The following PTPRD variants were observed in gnomAD, a reference collection of about 807,000 sequenced individuals.
The protein encoded by PTPRD is receptor-type tyrosine-protein phosphatase delta.
PTPRD carries 34 observed loss-of-function variants against 214.5 expected under a neutral mutation model. The observed-to-expected ratio is 0.16, with a 90% confidence interval of 0.12 to 0.21. The LOEUF is 0.21. PTPRD is among the 10% of genes least tolerant of loss of function. The probability of loss-of-function intolerance (pLI) is 1.00; values close to 1 mark genes in which losing one functional copy is unlikely to be tolerated. For synonymous variants in PTPRD, 1,128 were observed against 845.7 expected (o/e 1.33, Z -5.79); for missense variants, 2,545 against 2,398.7 (o/e 1.06, Z -1.27).
At chr9:9,394,029 T>G (rs1233606246) in intron 9 of PTPRD, among the ~76,000 whole-genome samples, 1 of 152,166 alleles carries the variant, frequency 6.6e-6, no homozygotes, top group Non-Finnish European at 1.5e-5. Context: ...CATTAAGACA[T>G]TTTTAAACCA....
intron 11 of PTPRD, among the ~76,000 whole-genome samples, chr9:8,843,502 C>A (rs774126538): frequency 6.6e-6 from 1 of 152,114 alleles, no homozygotes; most frequent in African/African-American, 2.4e-5. Flanking sequence ...ACACGGGAAA[C>A]GTTCTATGTC....
chr9:9,983,100 G>A (rs1378683461), intron 4 of PTPRD, among the ~76,000 whole-genome samples: 2 of 151,460 alleles, frequency 1.3e-5, no homozygotes, highest in African/African-American at 4.9e-5. Flanking sequence ...CTCATTTGTC[G>A]CTAGGGTACA....
At chr9:10,267,680 T>C (rs1302686250) in intron 3 of PTPRD, among the ~76,000 whole-genome samples, 2 of 152,206 alleles carry the variant, frequency 1.3e-5, no homozygotes, top group Non-Finnish European at 2.9e-5. Context: ...TAAATGCTTA[T>C]GCATTTGATC....
intron 8 of PTPRD, among the ~76,000 whole-genome samples, chr9:9,488,900 C>A (rs1256507819): frequency 6.6e-6 from 1 of 152,076 alleles, no homozygotes; most frequent in African/African-American, 2.4e-5. Flanking sequence ...AAAAAGAACC[C>A]CATTCTCCAA....
At position 8,316,838 on chromosome 9, in the gene PTPRD, A is replaced by G. The variant is rs10976945; in HGVS notation, c.*1036T>C. The G allele has an allele frequency of 4.3e-6, 1 of 231,012 alleles. No individual in the cohort carries two copies. Among genetic ancestry groups the G allele is most frequent in the African/African-American group, 2.2e-5 (1 of 44,978 alleles). 14.3% of individuals were successfully genotyped at this position (231,012 alleles called of 1,614,324 possible). A position where few individuals can be genotyped will look rare whatever the true frequency, so the allele number is the denominator to read the frequency against. On this transcript the variant is annotated 3_prime_UTR_variant, in exon 46 of 46. Coordinates refer to ENST00000381196, the MANE Select transcript of PTPRD (RefSeq NM_002839.4). ...ATGTCAAAAAATTAAGAATAAATGG[A>G]AAGAGATGTTTACAATAGCTTTTCT...
At chr9:10,556,847 G>T (rs112080913) in intron 2 of PTPRD, among the ~76,000 whole-genome samples, 2 of 152,060 alleles carry the variant, frequency 1.3e-5, no homozygotes, top group Admixed American at 1.3e-4. Flanking sequence ...TTAAGCAACA[G>T]ATAGTGATTT....
At chr9:8,393,352 G>A (rs1344948327) in intron 36 of PTPRD, among the ~76,000 whole-genome samples, 2 of 152,088 alleles carry the variant, frequency 1.3e-5, no homozygotes, top group African/African-American at 4.8e-5. Flanking sequence ...TATAAATTAG[G>A]TGATTGCTTT....
chr9:9,038,302 T>C (rs1179988026), intron 10 of PTPRD, among the ~76,000 whole-genome samples: 1 of 152,072 alleles, frequency 6.6e-6, no homozygotes, highest in East Asian at 1.9e-4. Flanking sequence ...CACAGGACAG[T>C]TTGGTCTAGG....
rs757479662 is a variant in PTPRD at position 8,471,014 on chromosome 9, T to C, written c.3485A>G (p.Asp1162Gly). 1 of 1,613,206 alleles carries C rather than the reference T, an allele frequency of 6.2e-7. No individual in the cohort carries two copies. The highest frequency in any genetic ancestry group is 1.7e-5 in the Admixed American group (1 of 59,980). The change falls in exon 31 of 46, where the codon GAT becomes GGT. Residue 1162 changes from aspartate to glycine, a missense_variant. Physicochemically the swap from Asp to Gly is moderately conservative, Grantham distance 94. Transcript: ENST00000381196. ...GKFIKPWESP[D>G]EMELDELLKE... ...AGTTACCTCATCTAATTCCATTTCA[T>C]CTGGACTCTCCCATGGCTTGATAAA...
intron 5 of PTPRD, among the ~76,000 whole-genome samples, chr9:9,827,843 G>A (rs1401378619): frequency 3.9e-5 from 6 of 152,114 alleles, no homozygotes; most frequent in Non-Finnish European, 8.8e-5. Flanking sequence ...AGTGGGTGAA[G>A]GATATGAACA....
At chr9:9,691,030 A>G (rs2097261129) in intron 7 of PTPRD, among the ~76,000 whole-genome samples, 2 of 151,864 alleles carry the variant, frequency 1.3e-5, no homozygotes, top group African/African-American at 2.4e-5. Flanking sequence ...TGGGTACATA[A>G]TAGGTGTATA....
At chr9:9,715,836 T>G (rs532484946) in intron 7 of PTPRD, among the ~76,000 whole-genome samples, 2 of 152,310 alleles carry the variant, frequency 1.3e-5, no homozygotes, top group African/African-American at 4.8e-5. Flanking sequence ...AAACTGTTGC[T>G]AAGAAGCTTC....
chr9:8,666,086 G>C (rs1362185864), intron 12 of PTPRD, among the ~76,000 whole-genome samples: 2 of 150,168 alleles, frequency 1.3e-5, no homozygotes, highest in Non-Finnish European at 3.0e-5. Flanking sequence ...AAAACTATCA[G>C]CATTTACAGC....
At chr9:9,975,992 A>C (rs77351532) in intron 4 of PTPRD, among the ~76,000 whole-genome samples, 1 of 152,198 alleles carries the variant, frequency 6.6e-6, no homozygotes, top group Admixed American at 6.5e-5. Flanking sequence ...TCAGGTCATT[A>C]TCAGCTTTGG....
intron 10 of PTPRD, among the ~76,000 whole-genome samples, chr9:9,104,580 G>C (rs1280207592): frequency 1.3e-5 from 2 of 152,162 alleles, no homozygotes; most frequent in African/African-American, 4.8e-5. Flanking sequence ...TGCCAGTGCT[G>C]TCAGCTAAAA....
intron 8 of PTPRD, among the ~76,000 whole-genome samples, chr9:9,512,710 G>C (rs1288087819): frequency 3.3e-5 from 5 of 151,426 alleles, no homozygotes; most frequent in African/African-American, 1.2e-4. Context: ...CTCTAACCCT[G>C]GGGACTATAC....
intron 43 of PTPRD, among the ~76,000 whole-genome samples, chr9:8,338,587 C>A (rs1171678229): frequency 6.6e-6 from 1 of 152,024 alleles, no homozygotes; most frequent in Non-Finnish European, 1.5e-5. Flanking sequence ...GTCAAAAAAG[C>A]TCCAAAGAGC....
chr9:9,690,214 T>C (rs369735713), intron 7 of PTPRD, among the ~76,000 whole-genome samples: 14 of 152,110 alleles, frequency 9.2e-5, no homozygotes, highest in South Asian at 6.2e-4. Flanking sequence ...ACTGTAGTTT[T>C]GATTTGTATT....
At chr9:9,687,421 G>A (rs1455718696) in intron 7 of PTPRD, among the ~76,000 whole-genome samples, 3 of 151,690 alleles carry the variant, frequency 2.0e-5, no homozygotes, top group Non-Finnish European at 2.9e-5. Flanking sequence ...TTTCCTGATG[G>A]GTAAACAGCC....
Sources: allele counts gnomAD v4.1 joint callset (sites outside exome capture counted in the v4.1 genomes callset), GRCh38; gene constraint gnomAD v4.1.1; transcripts MANE v1.5; gene names NCBI Gene and HGNC (gene_info 2026-07-23, HGNC 2026-07-21).